Variants in RFT1 observed in about 807,000 individuals in gnomAD.
RFT1 encodes man(5)GlcNAc(2)-PP-dolichol translocation protein RFT1.
Under a neutral mutation model 62.2 loss-of-function variants are expected in RFT1, and 43 were observed. That is an observed-to-expected ratio of 0.69 (90% CI 0.54 to 0.89). RFT1 has a LOEUF of 0.89. Among genes scored for constraint, RFT1 ranks in the 40% least tolerant of loss-of-function variants. The pLI, the probability that RFT1 is intolerant of heterozygous loss-of-function variation, is 0.00. For missense variants in RFT1, 605 were observed against 649.9 expected (o/e 0.93, Z 0.75); for synonymous variants, 262 against 264.6 (o/e 0.99, Z 0.10).
intron 3 of RFT1, among the ~76,000 whole-genome samples, chr3:53,123,406 A>T (rs1442366764): frequency 6.6e-6 from 1 of 152,236 alleles, no homozygotes; most frequent in Non-Finnish European, 1.5e-5. Flanking sequence ...AAGATGGCAC[A>T]GGCCAAGTGG....
At chr3:53,078,098 T>C in the RFT1 span, 1 of 152,248 alleles carries the variant, frequency 6.6e-6, no homozygotes, top group East Asian at 1.9e-4. Flanking sequence ...GGCGGTGAAG[T>C]TCACTCTCAG....
chr3:53,119,846 A>G (rs772131611), intron 6 of RFT1, 38 bp downstream of exon 6: 2 of 1,547,552 alleles, frequency 1.3e-6, no homozygotes, highest in South Asian at 1.2e-5. Context: ...AGCAGCACCT[A>G]TGATTAAAAT....
chr3:53,092,775 G>T (rs1405327363), intron 11 of RFT1, among the ~76,000 whole-genome samples, 157 bp from the exon 12 acceptor site: 2 of 152,188 alleles, frequency 1.3e-5, no homozygotes, highest in African/African-American at 4.8e-5. Context: ...CCATGGGAAT[G>T]TCCCTGTCCC....
intron 7 of RFT1, among the ~76,000 whole-genome samples, chr3:53,109,521 G>T (rs1701587486): frequency 1.3e-5 from 2 of 152,190 alleles, no homozygotes; most frequent in Non-Finnish European, 2.9e-5. Flanking sequence ...TACAAAAAGT[G>T]ATTTCAAGCT....
At position 53,099,536 on chromosome 3, in the gene RFT1, C is replaced by G. The variant is rs781426697; in HGVS notation, c.1103-50G>C. 14 of 1,420,148 alleles carry G rather than the reference C, an allele frequency of 9.9e-6. No homozygotes were observed. The South Asian group carries it at 1.6e-4, about 16-fold the overall frequency. 88.0% of individuals were successfully genotyped at this position (1,420,148 alleles called of 1,614,324 possible). On this transcript the variant is annotated intron_variant, in intron 10 of 12. Transcript: ENST00000296292. ...CTCCAGAGCCCAATCAGAAGGCCCA[C>G]ATGTACCCTCAGTGCTGCTGAGTAC... is the stretch of plus-strand genomic sequence containing the variant.
At chr3:53,121,557 T>C (rs1701967841) in intron 5 of RFT1, 142 bp downstream of exon 5, 2 of 720,908 alleles carry the variant, frequency 2.8e-6, no homozygotes, top group South Asian at 3.1e-5. Context: ...AGAGAAGCAG[T>C]GCTAAGGCCA....
intron 1 of RFT1, among the ~76,000 whole-genome samples, chr3:53,128,850 T>TAA (rs1702182928): frequency 6.6e-6 from 1 of 152,206 alleles, no homozygotes; most frequent in Non-Finnish European, 1.5e-5. Context: ...TCACATCTGT[T>TAA]AAATTATTTG....
the RFT1 span, among the ~76,000 whole-genome samples, chr3:53,072,866 TC>T: frequency 6.6e-6 from 1 of 152,198 alleles, no homozygotes; most frequent in African/African-American, 2.4e-5. Flanking sequence ...CGGCCAGGTC[TC>T]TCCTCACAGG....
At position 53,090,856 on chromosome 3, in the gene RFT1, C is replaced by T. The variant is rs1286635830; in HGVS notation, c.*1047G>A. On this transcript the variant is annotated 3_prime_UTR_variant, in exon 13 of 13. Coordinates refer to ENST00000296292, the MANE Select transcript of RFT1 (RefSeq NM_052859.4). The stretch of plus-strand genomic sequence containing the variant: ...GGCTGCAAGGTGCAGAACACCTGGG[C>T]TCACACTGTAGCCTGGAGTACCAGG... 1.3e-5 allele frequency: 2 copies of T among 152,238 alleles called. No individual in the cohort carries two copies. Among genetic ancestry groups the T allele is most frequent in the African/African-American group, 4.8e-5 (2 of 41,454 alleles). The allele number at this position is 152,238 out of a possible 1,614,324, so 9.4% of individuals were successfully genotyped here.
rs547875224 is a variant in RFT1, at chr3:53,112,577, T to C, written c.697-669A>G. ...GCCAACATGGCAAAAACCCCATCTC[T>C]ACTAAAAATACAAAAATTAGCTGGG... is the stretch of plus-strand genomic sequence containing the variant. On this transcript the variant is annotated intron_variant, in intron 6 of 12. Coordinates refer to ENST00000296292, the MANE Select transcript of RFT1 (RefSeq NM_052859.4). Among the ~76,000 whole-genome samples the C allele has an allele frequency of 2.6e-5, 4 of 152,266 alleles. No homozygotes were observed. The East Asian group carries it at 7.7e-4, about 29-fold the overall frequency.
chr3:53,104,227 T>C, intron 9 of RFT1, 130 bp from the exon 10 acceptor site: 2 of 942,796 alleles, frequency 2.1e-6, no homozygotes, highest in Non-Finnish European at 3.2e-6. Flanking sequence ...GATATCACTA[T>C]TTTTTTGTAG....
At chr3:53,121,248 T>G (rs1433699404) in intron 5 of RFT1, among the ~76,000 whole-genome samples, 1 of 152,192 alleles carries the variant, frequency 6.6e-6, no homozygotes, top group Non-Finnish European at 1.5e-5. Context: ...CTGAATTATG[T>G]GAGATTTCAA....
chr3:53,087,193 T>C (rs111480791), downstream of RFT1, among the ~76,000 whole-genome samples: 725 of 152,282 alleles, frequency 4.8e-3, 8 homozygotes, highest in African/African-American at 0.017. Flanking sequence ...GCCAAGATCG[T>C]GCCACTGCAC....
the RFT1 span, among the ~76,000 whole-genome samples, chr3:53,071,019 C>T: frequency 1.3e-5 from 2 of 152,004 alleles, no homozygotes; most frequent in Admixed American, 6.5e-5. Flanking sequence ...GCATGAGCCA[C>T]CAAGCCCAGC....
At position 53,089,694 on chromosome 3, in the gene RFT1, C is replaced by T. The variant is rs1256209409; in HGVS notation, c.*2209G>A. On this transcript the variant is annotated 3_prime_UTR_variant, in exon 13 of 13. Coordinates refer to ENST00000296292, the MANE Select transcript of RFT1 (RefSeq NM_052859.4). ...GGCTAGTCCTGGGAAAACACGCAGCCACATGTACAACTCTCCCTAGATACA... is the reference window on the plus strand; with the variant it reads ...GGCTAGTCCTGGGAAAACACGCAGCTACATGTACAACTCTCCCTAGATACA... 1 of 152,276 alleles carries T rather than the reference C, an allele frequency of 6.6e-6. No homozygotes were observed. The highest frequency in any genetic ancestry group is 1.5e-5 in the Non-Finnish European group (1 of 68,120). 9.4% of individuals were successfully genotyped at this position (152,276 alleles called of 1,614,324 possible). A position where few individuals can be genotyped will look rare whatever the true frequency, so the allele number is the denominator to read the frequency against.
chr3:53,070,473 C>T, the RFT1 span, among the ~76,000 whole-genome samples: 1 of 137,564 alleles, frequency 7.3e-6, no homozygotes, highest in South Asian at 2.4e-4. Context: ...ACGATCTCAG[C>T]TTATCGCAAC....
intron 10 of RFT1, among the ~76,000 whole-genome samples, chr3:53,100,293 C>A (rs1379746854): frequency 1.3e-5 from 2 of 152,214 alleles, no homozygotes; most frequent in African/African-American, 4.8e-5. Context: ...CTATAGCTAA[C>A]AAGCTTCGGA....
chr3:53,097,605 T>C (rs1701180721), intron 11 of RFT1, among the ~76,000 whole-genome samples: 1 of 152,224 alleles, frequency 6.6e-6, no homozygotes, highest in Non-Finnish European at 1.5e-5. Context: ...TCCCTCACAA[T>C]TTGGTTGCAA....
intron 11 of RFT1, among the ~76,000 whole-genome samples, chr3:53,093,556 T>A (rs1004520861): frequency 6.6e-6 from 1 of 152,168 alleles, no homozygotes; most frequent in Non-Finnish European, 1.5e-5. Context: ...AAGCCATGTC[T>A]GCTGGGTTAG....
Sources: allele counts gnomAD v4.1 joint callset (sites outside exome capture counted in the v4.1 genomes callset), GRCh38; gene constraint gnomAD v4.1.1; transcripts MANE v1.5; gene names NCBI Gene and HGNC (gene_info 2026-07-23, HGNC 2026-07-21).